Variants in AMOTL1 observed in about 807,000 individuals in gnomAD.
AMOTL1 encodes the protein angiomotin-like protein 1.
AMOTL1 carries 45 observed loss-of-function variants against 102.9 expected under a neutral mutation model. The ratio of observed to expected loss-of-function variants is 0.44; its 90% CI spans 0.34 to 0.56. The LOEUF is 0.56. AMOTL1 is among the 20% of genes least tolerant of loss of function. The pLI, the probability that AMOTL1 is intolerant of heterozygous loss-of-function variation, is 0.01. For missense variants in AMOTL1, 1,114 were observed against 1,225.6 expected (o/e 0.91, Z 1.36); for synonymous variants, 481 against 484.7 (o/e 0.99, Z 0.10).
chr11:94,864,970 C>G, intron 10 of AMOTL1, 110 bp downstream of exon 10: 1 of 1,384,078 alleles, frequency 7.2e-7, no homozygotes, highest in Non-Finnish European at 9.5e-7. Context: ...CATGAGGTCT[C>G]CAAAAACTCT....
At chr11:94,746,511 G>A (rs939086527) in intron 3 of AMOTL1, among the ~76,000 whole-genome samples, 1 of 152,032 alleles carries the variant, frequency 6.6e-6, no homozygotes, top group African/African-American at 2.4e-5. Flanking sequence ...TGGAACTATG[G>A]GGCAATCCTC....
chr11:94,738,549 T>C (rs369127814), intron 2 of AMOTL1, among the ~76,000 whole-genome samples: 2 of 152,174 alleles, frequency 1.3e-5, no homozygotes, highest in Non-Finnish European at 2.9e-5. Flanking sequence ...TGAGCCACCA[T>C]GCCCAGCCAA....
At chr11:94,709,129 C>A (rs1002973947) in intron 1 of AMOTL1, among the ~76,000 whole-genome samples, 2 of 152,184 alleles carry the variant, frequency 1.3e-5, no homozygotes, top group Non-Finnish European at 2.9e-5. Context: ...CTAGACTGTA[C>A]AAATTCTTTG....
intron 10 of AMOTL1, among the ~76,000 whole-genome samples, chr11:94,865,159 G>A (rs899809872): frequency 1.3e-5 from 2 of 152,158 alleles, no homozygotes; most frequent in Admixed American, 6.5e-5. Flanking sequence ...ATTTCTTGGT[G>A]TCTATCTCTA....
intron 7 of AMOTL1, among the ~76,000 whole-genome samples, chr11:94,853,031 A>C (rs1328065972): frequency 6.6e-6 from 1 of 152,282 alleles, no homozygotes; most frequent in East Asian, 1.9e-4. Flanking sequence ...CATTGTTATG[A>C]TAATGTTGTA....
intron 1 of AMOTL1, among the ~76,000 whole-genome samples, chr11:94,727,833 C>G (rs748019418): frequency 1.2e-4 from 19 of 152,190 alleles, no homozygotes; most frequent in Non-Finnish European, 2.8e-4. Context: ...TTCTTTGGTA[C>G]TTCCTAGTAT....
rs1285400483 is a variant in AMOTL1 at position 94,875,189 on chromosome 11, C to T, written c.*4394C>T. On this transcript the variant is annotated 3_prime_UTR_variant, in exon 13 of 13. Coordinates refer to ENST00000433060, the MANE Select transcript of AMOTL1 (RefSeq NM_130847.3). ...ATGTGACGATTGTTTAATGAGTTTG[C>T]CTCTGACGTGTGGCTCCATGGGAGA... 6.6e-5 allele frequency: 10 copies of T among 152,138 alleles called. No homozygotes were observed. The highest frequency in any genetic ancestry group is 1.5e-5 in the Non-Finnish European group (1 of 68,024). 9.4% of individuals were successfully genotyped at this position (152,138 alleles called of 1,614,324 possible).
chr11:94,781,484 C>T (rs186019336), intron 1 of AMOTL1, among the ~76,000 whole-genome samples: 84 of 152,258 alleles, frequency 5.5e-4, no homozygotes, highest in Non-Finnish European at 3.5e-4. Flanking sequence ...TTTAGAACAA[C>T]GTTTCTCAAA....
intron 1 of AMOTL1, among the ~76,000 whole-genome samples, chr11:94,709,885 G>A (rs1949994712): frequency 6.6e-6 from 1 of 152,172 alleles, no homozygotes; most frequent in Non-Finnish European, 1.5e-5. Flanking sequence ...GATGGTGTCA[G>A]AAATAGAAGA....
intron 3 of AMOTL1, among the ~76,000 whole-genome samples, chr11:94,813,817 T>G (rs1951722917): frequency 6.6e-6 from 1 of 152,234 alleles, no homozygotes. Context: ...CAGTGCTTCC[T>G]GCAGGCTGGC....
intron 9 of AMOTL1, among the ~76,000 whole-genome samples, chr11:94,860,319 A>G (rs547203828): frequency 6.9e-4 from 105 of 152,312 alleles, no homozygotes; most frequent in African/African-American, 2.5e-3. Flanking sequence ...CTGTGTGTCA[A>G]ATGGAGATCT....
intron 6 of AMOTL1, among the ~76,000 whole-genome samples, chr11:94,847,859 A>C (rs1952449703): frequency 1.3e-5 from 2 of 152,198 alleles, no homozygotes. Flanking sequence ...TTTGCAGAAC[A>C]TGAGAAGCTT....
intron 7 of AMOTL1, among the ~76,000 whole-genome samples, chr11:94,852,444 C>T (rs1166302366): frequency 6.6e-6 from 1 of 152,164 alleles, no homozygotes; most frequent in African/African-American, 2.4e-5. Context: ...CACCCAGGTG[C>T]GGAATGACAG....
At chr11:94,749,530 C>T (rs1199953300) in intron 3 of AMOTL1, among the ~76,000 whole-genome samples, 5 of 152,194 alleles carry the variant, frequency 3.3e-5, no homozygotes, top group African/African-American at 1.2e-4. Context: ...ATGTCGACAC[C>T]TAAAACTAAC....
rs758010632 is a variant in AMOTL1 at position 94,800,072 on chromosome 11, C to T, written c.882C>T (p.Pro294=). 1.5e-5 allele frequency: 25 copies of T among 1,613,828 alleles called. No homozygotes were observed. Among genetic ancestry groups the T allele is most frequent in the Non-Finnish European group, 2.1e-5 (25 of 1,179,840 alleles). The change falls in exon 3 of 13, where the codon CCC becomes CCT. Residue 294 remains proline (P), a synonymous_variant. Coordinates refer to ENST00000433060, the MANE Select transcript of AMOTL1 (RefSeq NM_130847.3). The part of the protein sequence containing the change: ...NGKGFKVGGG[P]SPAQPAGKVL... ...AGGGCTTCAAAGTAGGAGGGGGGCCCTCCCCTGCCCAGCCTGCAGGTAAAG... is the reference window on the plus strand; with the variant it reads ...AGGGCTTCAAAGTAGGAGGGGGGCCTTCCCCTGCCCAGCCTGCAGGTAAAG...
At chr11:94,860,311 G>A (rs1484831098) in intron 9 of AMOTL1, among the ~76,000 whole-genome samples, 1 of 152,206 alleles carries the variant, frequency 6.6e-6, no homozygotes, top group Non-Finnish European at 1.5e-5. Context: ...TGATGGGGCT[G>A]TGTGTCAAAT....
chr11:94,724,018 A>G (rs1353238579), intron 1 of AMOTL1, among the ~76,000 whole-genome samples: 4 of 152,130 alleles, frequency 2.6e-5, no homozygotes, highest in Admixed American at 6.5e-5. Context: ...GCCACTGATG[A>G]TTAGGATTTT....
chr11:94,790,814 T>C (rs1951271538), intron 1 of AMOTL1, among the ~76,000 whole-genome samples: 1 of 152,188 alleles, frequency 6.6e-6, no homozygotes, highest in Admixed American at 6.5e-5. Context: ...TTGAGCCTGT[T>C]GTATTAATGG....
At chr11:94,841,309 G>A (rs1466223016) in intron 6 of AMOTL1, among the ~76,000 whole-genome samples, 4 of 151,974 alleles carry the variant, frequency 2.6e-5, no homozygotes, top group Admixed American at 6.6e-5. Flanking sequence ...AAAATTAGCT[G>A]GGCGTGGTGG....
Sources: gnomAD v4.1 joint callset for allele counts (sites outside exome capture counted in the v4.1 genomes callset) on GRCh38, gnomAD v4.1.1 for gene constraint, MANE v1.5 for transcripts, NCBI Gene and HGNC (gene_info 2026-07-23, HGNC 2026-07-21) for gene names.